The following EGFR variants were observed in gnomAD, a reference collection of about 807,000 sequenced individuals.
EGFR encodes the protein epidermal growth factor receptor.
In EGFR, 58 loss-of-function variants were observed where a neutral mutation model predicts 143.0. That is an observed-to-expected ratio of 0.41 (90% confidence interval 0.33 to 0.50). The LOEUF (loss-of-function observed/expected upper bound fraction) is 0.50. Among genes scored for constraint, EGFR ranks in the 20% least tolerant of loss-of-function variants. The pLI is 0.39. For synonymous variants in EGFR, 613 were observed against 594.4 expected (o/e 1.03, Z -0.45); for missense variants, 1,307 against 1,579.0 (o/e 0.83, Z 2.92).
At chr7:55,151,480 C>T (rs1584164966) in intron 5 of EGFR, 118 bp downstream of exon 5, 2 of 1,036,274 alleles carry the variant, frequency 1.9e-6, no homozygotes, top group Non-Finnish European at 3.0e-6. Flanking sequence ...ATTACAGGGT[C>T]AGATGTGAAC....
At chr7:55,054,634 A>G (rs1222013279) in intron 1 of EGFR, among the ~76,000 whole-genome samples, 1 of 152,234 alleles carries the variant, frequency 6.6e-6, no homozygotes, top group East Asian at 1.9e-4. Context: ...TTTTGTGTTC[A>G]AAAGCAAGAC....
intron 20 of EGFR, among the ~76,000 whole-genome samples, chr7:55,189,252 G>C (rs1250350208): frequency 6.6e-6 from 1 of 152,136 alleles, no homozygotes; most frequent in Non-Finnish European, 1.5e-5. Context: ...GTGGTCTTGG[G>C]GTCTCAGGGT....
chr7:55,136,687 A>G (rs1794164080), intron 1 of EGFR, among the ~76,000 whole-genome samples: 1 of 152,226 alleles, frequency 6.6e-6, no homozygotes, highest in East Asian at 1.9e-4. Flanking sequence ...CCATACTTCT[A>G]ATGTTGAATT....
At chr7:55,092,787 G>C (rs1791207930) in intron 1 of EGFR, among the ~76,000 whole-genome samples, 1 of 152,250 alleles carries the variant, frequency 6.6e-6, no homozygotes, top group Non-Finnish European at 1.5e-5. Flanking sequence ...GCTCCTGGCA[G>C]GGCCAGCGGG....
intron 5 of EGFR, chr7:55,152,242 T>C (rs1281288938): frequency 3.7e-6 from 2 of 537,552 alleles, no homozygotes; most frequent in Non-Finnish European, 7.1e-6. Flanking sequence ...TAAACACTAC[T>C]TCCCAGCAGG....
Position 55,019,082 on chromosome 7 carries a change from G to T in EGFR, c.-196G>T. 3.3e-6 allele frequency: 1 copy of T among 300,504 alleles called. No homozygotes were observed. The highest frequency in any genetic ancestry group is 5.3e-5 in the Admixed American group (1 of 19,034). The allele number at this position is 300,504 out of a possible 1,614,324, so 18.6% of individuals were successfully genotyped here. Reference sequence around the variant, plus strand: ...CCTCCGCCCCCCGCACGGTGTGAGCGCCCGACGCGGCCGAGGCGGCCGGAG... The same window carrying T: ...CCTCCGCCCCCCGCACGGTGTGAGCTCCCGACGCGGCCGAGGCGGCCGGAG... On this transcript the variant is annotated 5_prime_UTR_variant, in exon 1 of 28. Transcript: ENST00000275493.
rs1174337465 is a variant in EGFR at position 55,210,740 on chromosome 7, A to G, written c.*5123A>G. The G allele has an allele frequency of 6.6e-6, 1 of 152,204 alleles. No homozygotes were observed. Among genetic ancestry groups the G allele is most frequent in the Non-Finnish European group, 1.5e-5 (1 of 68,034 alleles). The allele number at this position is 152,204 out of a possible 1,614,324, so 9.4% of individuals were successfully genotyped here. A position where few individuals can be genotyped will look rare whatever the true frequency, so the allele number is the denominator to read the frequency against. The stretch of plus-strand genomic sequence containing the variant: ...ATGGTTGAAAAGCAAAGGAAATATA[A>G]AACAGACACCTCTTTCCATTTCCTA... On this transcript the variant is annotated 3_prime_UTR_variant, in exon 28 of 28. Coordinates refer to ENST00000275493, the MANE Select transcript of EGFR (RefSeq NM_005228.5).
chr7:55,058,783 A>G (rs573038305), intron 1 of EGFR, among the ~76,000 whole-genome samples: 1 of 152,166 alleles, frequency 6.6e-6, no homozygotes, highest in African/African-American at 2.4e-5. Flanking sequence ...ACAAACTACT[A>G]TGACACAAGT....
chr7:55,037,999 G>T (rs540497682), intron 1 of EGFR, among the ~76,000 whole-genome samples: 1 of 152,186 alleles, frequency 6.6e-6, no homozygotes, highest in Middle Eastern at 3.2e-3. Flanking sequence ...CCGGCGCCCA[G>T]TTAGTTGTGT....
In EGFR at chr7:55,203,225, A is replaced by G. The variant is rs1787936567; in HGVS notation, c.3271+600A>G. The G allele has an allele frequency of 1.3e-5, 3 of 223,924 alleles. No individual in the cohort carries two copies. The East Asian group carries it at 1.8e-4, about 14-fold the overall frequency. 13.9% of individuals were successfully genotyped at this position (223,924 alleles called of 1,614,324 possible). A position where few individuals can be genotyped will look rare whatever the true frequency, so the allele number is the denominator to read the frequency against. ...ATATACACACACACCTCAAATACAT[A>G]CACACCACACACACATACATGTATA... is the stretch of plus-strand genomic sequence containing the variant. On this transcript the variant is annotated intron_variant, in intron 27 of 27. Transcript: ENST00000275493.
chr7:55,041,812 A>G (rs921993197), intron 1 of EGFR, among the ~76,000 whole-genome samples: 2 of 152,204 alleles, frequency 1.3e-5, no homozygotes, highest in African/African-American at 4.8e-5. Context: ...TACTTTTCAG[A>G]TAATTCATCC....
chr7:55,122,211 A>G (rs1051916181), intron 1 of EGFR, among the ~76,000 whole-genome samples: 1 of 152,126 alleles, frequency 6.6e-6, no homozygotes, highest in Admixed American at 6.5e-5. Flanking sequence ...AGCCTTGCTC[A>G]TGGAGCACTC....
chr7:55,019,173 C>T lies in EGFR; in HGVS notation c.-105C>T, dbSNP rs1381355354. Reference sequence around the variant, plus strand: ...CGACAGGCCACCTCGTCGGCGTCCGCCCGAGTCCCCGCCTCGCCGCCAACG... The same window carrying T: ...CGACAGGCCACCTCGTCGGCGTCCGTCCGAGTCCCCGCCTCGCCGCCAACG... On this transcript the variant is annotated 5_prime_UTR_variant, in exon 1 of 28. Coordinates refer to ENST00000275493, the MANE Select transcript of EGFR (RefSeq NM_005228.5). 7.2e-6 allele frequency: 7 copies of T among 977,992 alleles called. No homozygotes were observed. The highest frequency in any genetic ancestry group is 1.7e-5 in the African/African-American group (1 of 58,100). 60.6% of individuals were successfully genotyped at this position (977,992 alleles called of 1,614,324 possible).
intron 1 of EGFR, among the ~76,000 whole-genome samples, chr7:55,079,918 G>A (rs1262949533): frequency 3.9e-5 from 6 of 152,126 alleles, no homozygotes; most frequent in African/African-American, 7.2e-5. Flanking sequence ...AAGATCTGTG[G>A]TTTGCAAATA....
chr7:55,158,163 A>G (rs975653807), intron 11 of EGFR, among the ~76,000 whole-genome samples: 5 of 152,174 alleles, frequency 3.3e-5, no homozygotes, highest in African/African-American at 9.7e-5. Flanking sequence ...TCAGGATGCA[A>G]TTGAGGTTAT....
chr7:55,062,432 C>T (rs1054130855), intron 1 of EGFR, among the ~76,000 whole-genome samples: 2 of 152,104 alleles, frequency 1.3e-5, no homozygotes, highest in African/African-American at 2.4e-5. Context: ...CCTTTCTTAA[C>T]CCTTTAATTA....
chr7:55,073,895 C>T (rs1009807015), intron 1 of EGFR, among the ~76,000 whole-genome samples: 1 of 152,230 alleles, frequency 6.6e-6, no homozygotes, highest in African/African-American at 2.4e-5. Flanking sequence ...CTATCCTCTA[C>T]AAGAAACACA....
At chr7:55,022,038 A>G (rs1433562460) in intron 1 of EGFR, among the ~76,000 whole-genome samples, 1 of 152,154 alleles carries the variant, frequency 6.6e-6, no homozygotes, top group Non-Finnish European at 1.5e-5. Flanking sequence ...GGGCCCAGGG[A>G]GCCGGCTCAT....
chr7:55,055,863 G>T (rs1788782401), intron 1 of EGFR, among the ~76,000 whole-genome samples: 1 of 152,034 alleles, frequency 6.6e-6, no homozygotes, highest in Admixed American at 6.5e-5. Context: ...CTTGAGGTCA[G>T]TTCCTTGAGC....
Sources: allele counts gnomAD v4.1 joint callset (sites outside exome capture counted in the v4.1 genomes callset), GRCh38; gene constraint gnomAD v4.1.1; transcripts MANE v1.5; gene names NCBI Gene and HGNC (gene_info 2026-07-23, HGNC 2026-07-21).